Variants in PLCG2 observed in about 807,000 individuals in gnomAD.
The protein encoded by PLCG2 is 1-phosphatidylinositol 4,5-bisphosphate phosphodiesterase gamma-2.
PLCG2 carries 69 observed loss-of-function variants against 175.6 expected under a neutral mutation model. That is an observed-to-expected ratio of 0.39 (90% CI 0.32 to 0.48). The LOEUF (loss-of-function observed/expected upper bound fraction) is 0.48. PLCG2 is among the 20% of genes least tolerant of loss of function. PLCG2 has a pLI of 0.91. For missense variants in PLCG2, 1,798 were observed against 1,650.9 expected (o/e 1.09, Z -1.54); for synonymous variants, 827 against 624.0 (o/e 1.33, Z -4.85).
At position 81,786,085 on chromosome 16, in the gene PLCG2, C is replaced by T; in HGVS notation, c.96C>T (p.Ser32=). ...TGGGGACGGTGATGACTGTGTTCAG[C>T]TTCCGCAAGTCCACCCCCGAGCGGA... is the stretch of plus-strand genomic sequence containing the variant. ...LELGTVMTVF[S]FRKSTPERRT... Residue 32 remains serine, a synonymous_variant, in exon 2 of 33, where the codon AGC becomes AGT. Coordinates refer to ENST00000564138, the MANE Select transcript of PLCG2 (RefSeq NM_002661.5). The T allele has an allele frequency of 6.2e-7, 1 of 1,614,188 alleles. No homozygotes were observed. The highest frequency in any genetic ancestry group is 8.5e-7 in the Non-Finnish European group (1 of 1,180,018).
At chr16:81,841,805 A>G (rs1905847743) in intron 2 of PLCG2, among the ~76,000 whole-genome samples, 1 of 152,144 alleles carries the variant, frequency 6.6e-6, no homozygotes, top group African/African-American at 2.4e-5. Context: ...CCCAGCTGCC[A>G]TGTCAGACGC....
At chr16:81,853,422 T>A (rs923163792) in intron 2 of PLCG2, among the ~76,000 whole-genome samples, 2 of 152,138 alleles carry the variant, frequency 1.3e-5, no homozygotes, top group African/African-American at 4.8e-5. Context: ...CCTAACCTTT[T>A]TGGTACCAGT....
At chr16:81,876,999 G>C (rs1358393630) in intron 7 of PLCG2, among the ~76,000 whole-genome samples, 1 of 152,174 alleles carries the variant, frequency 6.6e-6, no homozygotes, top group African/African-American at 2.4e-5. Context: ...AAAAGTCCTT[G>C]CCTCCCTGGG....
chr16:81,917,490 A>G (rs971526086), intron 19 of PLCG2, among the ~76,000 whole-genome samples: 1 of 151,992 alleles, frequency 6.6e-6, no homozygotes, highest in Non-Finnish European at 1.5e-5. Context: ...CATAGTGGCT[A>G]TGCTAATTTA....
chr16:81,893,498 T>C (rs897627726), intron 11 of PLCG2, among the ~76,000 whole-genome samples: 1 of 152,274 alleles, frequency 6.6e-6, no homozygotes, highest in East Asian at 1.9e-4. Context: ...CTTCCTGCGA[T>C]TGTGGCCTGA....
chr16:81,887,833 T>C (rs9933977), intron 9 of PLCG2, among the ~76,000 whole-genome samples: 11,723 of 152,272 alleles, frequency 0.077, 1,505 homozygotes, highest in African/African-American at 0.26. Context: ...TTTCAGGGCA[T>C]GGAGAGGAAA....
At chr16:81,889,038 G>T (rs1908506178) in intron 9 of PLCG2, 134 bp from the exon 10 acceptor site, 3 of 607,000 alleles carry the variant, frequency 4.9e-6, no homozygotes, top group Middle Eastern at 4.0e-4. Flanking sequence ...GCCTCAACAT[G>T]TGGTGGTCGA....
At chr16:81,907,818 C>T (rs982472677) in intron 16 of PLCG2, 44 bp downstream of exon 16, 1 of 1,443,380 alleles carries the variant, frequency 6.9e-7, no homozygotes. Flanking sequence ...TCCCCAGGAA[C>T]CCCGAGGACC....
At chr16:81,811,242 CACCGGTGGT>C (rs1904317329) in intron 2 of PLCG2, among the ~76,000 whole-genome samples, 1 of 152,160 alleles carries the variant, frequency 6.6e-6, no homozygotes, top group Non-Finnish European at 1.5e-5. Context: ...CAAATGGGCA[CACCGGTGGT>C]ACCTTCCTCG....
intron 2 of PLCG2, among the ~76,000 whole-genome samples, chr16:81,847,469 C>T (rs568543940): frequency 1.2e-4 from 18 of 152,184 alleles, no homozygotes; most frequent in East Asian, 1.9e-4. Context: ...CTAATCACAT[C>T]GTTGGTTCCC....
rs1907238636 is a variant in PLCG2, at chr16:81,866,426, C to T, written c.480-2788C>T. ...CTCTCCCTTGCTCCCAGGATGAGCT[C>T]CACTGGGGCACCAGCATGAGAGGAC... is the stretch of plus-strand genomic sequence containing the variant. On this transcript the variant is annotated intron_variant, in intron 5 of 32. Transcript: ENST00000564138. Among the ~76,000 whole-genome samples, 3 of 86,322 alleles carry T rather than the reference C, an allele frequency of 3.5e-5. 1 individual carries two copies. Among genetic ancestry groups the T allele is most frequent in the Non-Finnish European group, 8.5e-5 (3 of 35,240 alleles). The allele number at this position is 86,322 out of a possible 152,430, so 56.6% of individuals were successfully genotyped here.
chr16:81,938,980 C>G, intron 29 of PLCG2, 65 bp downstream of exon 29: 6 of 899,022 alleles, frequency 6.7e-6, no homozygotes, highest in Non-Finnish European at 1.1e-5. Flanking sequence ...TGTGGGAGTG[C>G]TCTTCGTGGG....
chr16:81,835,449 C>T (rs12600281), intron 2 of PLCG2, among the ~76,000 whole-genome samples: 12 of 151,476 alleles, frequency 7.9e-5, no homozygotes, highest in African/African-American at 2.2e-4. Context: ...TACAAAAATT[C>T]GCCGGGTGTG....
intron 7 of PLCG2, 80 bp downstream of exon 7, chr16:81,871,015 C>G: frequency 1.4e-6 from 1 of 738,602 alleles, no homozygotes; most frequent in Non-Finnish European, 2.3e-6. Flanking sequence ...TCCTAAGAAA[C>G]CCACAAGAAG....
intron 2 of PLCG2, among the ~76,000 whole-genome samples, chr16:81,832,861 G>C (rs540712730): frequency 6.6e-6 from 1 of 152,312 alleles, no homozygotes; most frequent in South Asian, 2.1e-4. Context: ...AGCCATAAGA[G>C]AGCAGGCTAA....
At chr16:81,861,762 C>T (rs978622490) in intron 5 of PLCG2, among the ~76,000 whole-genome samples, 15 of 152,184 alleles carry the variant, frequency 9.9e-5, no homozygotes, top group African/African-American at 1.4e-4. Context: ...TCTCTCCACG[C>T]GGTGCTGGTA....
chr16:81,744,311 C>T (rs1410571502), intron 1 of PLCG2, among the ~76,000 whole-genome samples: 1 of 151,586 alleles, frequency 6.6e-6, no homozygotes, highest in Non-Finnish European at 1.5e-5. Context: ...ATTACAGGTG[C>T]CCGCCACCAA....
At chr16:81,892,171 A>G (rs1393374490) in intron 11 of PLCG2, among the ~76,000 whole-genome samples, 1 of 152,206 alleles carries the variant, frequency 6.6e-6, no homozygotes, top group African/African-American at 2.4e-5. Context: ...GGAGTCTGCT[A>G]AGGCTGGAGT....
At position 81,799,133 on chromosome 16, in the gene PLCG2, C is replaced by G. The variant is rs563843060; in HGVS notation, c.193+12951C>G. ...CCTTGCATATTTCTCCTAATTAAAA[C>G]AACTGCTTTTTCCCCCTCATTATAG... is the stretch of plus-strand genomic sequence containing the variant. On this transcript the variant is annotated intron_variant, in intron 2 of 32. Transcript: ENST00000564138. Among the ~76,000 whole-genome samples, 22 of 152,350 alleles carry G rather than the reference C, an allele frequency of 1.4e-4. No individual in the cohort carries two copies. In the South Asian group the frequency reaches 1.9e-3, roughly 13 times the overall value.
Sources: allele counts gnomAD v4.1 joint callset (sites outside exome capture counted in the v4.1 genomes callset), GRCh38; gene constraint gnomAD v4.1.1; transcripts MANE v1.5; gene names NCBI Gene and HGNC (gene_info 2026-07-23, HGNC 2026-07-21).